HS3ST6: variants seen among roughly 807,000 people sequenced by gnomAD.
The protein encoded by HS3ST6 is heparan sulfate glucosamine 3-O-sulfotransferase 6.
HS3ST6 carries 13 observed loss-of-function variants against 11.0 expected under a neutral mutation model. The ratio of observed to expected loss-of-function variants is 1.18; its 90% CI spans 0.77 to 1.88. The LOEUF is 1.88. HS3ST6 is among the 40% of genes most tolerant of loss of function. The pLI is 0.00. For synonymous variants in HS3ST6, 232 were observed against 230.6 expected (o/e 1.01, Z -0.06); for missense variants, 541 against 494.4 (o/e 1.09, Z -0.89).
chr16:1,914,901 G>A (rs1215258473), intron 1 of HS3ST6, among the ~76,000 whole-genome samples: 1 of 152,148 alleles, frequency 6.6e-6, no homozygotes, highest in Non-Finnish European at 1.5e-5. Context: ...AGGGAGAGGA[G>A]CAGGACTGGA....
chr16:1,912,119 A>G lies in HS3ST6; in HGVS notation c.500T>C (p.Ile167Thr). 6.7e-7 allele frequency: 1 copy of G among 1,503,102 alleles called. No homozygotes were observed. Among genetic ancestry groups the G allele is most frequent in the Non-Finnish European group, 8.9e-7 (1 of 1,127,824 alleles). 93.1% of individuals were successfully genotyped at this position (1,503,102 alleles called of 1,614,324 possible). A position where few individuals can be genotyped will look rare whatever the true frequency, so the allele number is the denominator to read the frequency against. Reference protein sequence around the residue: ...YFVTREAPRRIHAMSPDTKLI... With the variant: ...YFVTREAPRRTHAMSPDTKLI... ...CTTCGTGTCCGGGGACATGGCGTGGATGCGGCGGGGGGCCTCTCGCGTCAC... is the reference window on the plus strand; with the variant it reads ...CTTCGTGTCCGGGGACATGGCGTGGGTGCGGCGGGGGGCCTCTCGCGTCAC... The change falls in exon 2 of 2, where the codon ATC (isoleucine) becomes ACC (threonine). Residue 167 changes from isoleucine (I) to threonine (T), a missense_variant. By Grantham distance (89) the Ile-to-Thr change is moderately conservative. Transcript: ENST00000454677. This position sits in a 1 kb window ranked among gnomAD's most constrained non-coding sequence, Gnocchi z 5.6.
At position 1,918,191 on chromosome 16, in the gene HS3ST6, AGAGGCAGTAGGCGCC is replaced by A; in HGVS notation, c.118_132del (p.Gly40_Leu44del). On this transcript the variant is annotated inframe_deletion, in exon 1 of 2. Transcript: ENST00000454677. This position sits in a 1 kb window ranked among gnomAD's most constrained non-coding sequence, Gnocchi z 6.0. ...GGCGGGCAGCGGCCGGGGAGGGCGC[AGAGGCAGTAGGCGCC>A]GAGCACCAGGGCCACGAGCAGCATC... 1.9e-6 allele frequency: 2 copies of A among 1,078,148 alleles called. No individual in the cohort carries two copies. The highest frequency in any genetic ancestry group is 2.2e-6 in the Non-Finnish European group (2 of 893,024). 66.8% of individuals were successfully genotyped at this position (1,078,148 alleles called of 1,614,324 possible). A position where few individuals can be genotyped will look rare whatever the true frequency, so the allele number is the denominator to read the frequency against.
intron 1 of HS3ST6, among the ~76,000 whole-genome samples, chr16:1,915,004 T>C (rs931678088): frequency 1.8e-4 from 28 of 152,134 alleles, no homozygotes; most frequent in African/African-American, 6.8e-4. Context: ...CCTGCGGCTT[T>C]CATCCAGCCC....
chr16:1,920,195 TCCCCACGGTCTCAGGAGC>T (rs2082954649), upstream of HS3ST6, among the ~76,000 whole-genome samples: 13 of 115,084 alleles, frequency 1.1e-4, no homozygotes, highest in Non-Finnish European at 1.1e-4. Flanking sequence ...GTCTCAGCAG[TCCCCACGGTCTCAGGAGC>T]CCCCACGGTC....
intron 1 of HS3ST6, among the ~76,000 whole-genome samples, chr16:1,914,000 C>T (rs527330537): frequency 1.9e-4 from 29 of 152,290 alleles, no homozygotes; most frequent in Admixed American, 1.6e-3. Flanking sequence ...GGCCTACAGA[C>T]GATACCGGAC....
At position 1,917,997 on chromosome 16, in the gene HS3ST6, A is replaced by C; in HGVS notation, c.327T>G (p.Phe109Leu). The C allele has an allele frequency of 1.3e-6, 2 of 1,551,720 alleles. No individual in the cohort carries two copies. Among genetic ancestry groups the C allele is most frequent in the South Asian group, 2.4e-5 (2 of 84,034 alleles). Residue 109 changes from phenylalanine to leucine, a missense_variant, in exon 1 of 2, where the codon TTT becomes TTG. Physicochemically the swap from Phe to Leu is conservative, Grantham distance 22. Coordinates refer to ENST00000454677, the MANE Select transcript of HS3ST6 (RefSeq NM_001009606.4). ...KKGGTRALLE[F>L]LRLHPDVRAL... ...CGCGGACGTCGGGGTGCAGCCGCAG[A>C]AACTCCAGCAGGGCGCGCGTGCCGC... is the stretch of plus-strand genomic sequence containing the variant.
In HS3ST6 at chr16:1,912,445, C is replaced by CGCCT. The variant is rs1476007739; in HGVS notation, c.414-244_414-241dup. Among the ~76,000 whole-genome samples, 1 of 152,162 alleles carries CGCCT rather than the reference C, an allele frequency of 6.6e-6. No individual in the cohort carries two copies. The highest frequency in any genetic ancestry group is 1.5e-5 in the Non-Finnish European group (1 of 68,016). On this transcript the variant is annotated intron_variant, in intron 1 of 1. Coordinates refer to ENST00000454677, the MANE Select transcript of HS3ST6 (RefSeq NM_001009606.4). The surrounding 1 kb of genome is among the most constrained non-coding windows in gnomAD (Gnocchi z 5.6). ...CCCGGCCTGTTCCGCCGGCCTGCCCCGCCTGCTGCTGCACTGAGGATTAGG... is the reference window on the plus strand; with the variant it reads ...CCCGGCCTGTTCCGCCGGCCTGCCCCGCCTGCCTGCTGCTGCACTGAGGATTAGG...
rs1657139 is a variant in HS3ST6, at chr16:1,911,550, C to T, written c.*40G>A. ...ACGCAGCCCGCTCTGGCCAGGCGAG[C>T]GGGTGTCAATCAAGGTGCTGAGCAT... On this transcript the variant is annotated 3_prime_UTR_variant, in exon 2 of 2. Coordinates refer to ENST00000454677, the MANE Select transcript of HS3ST6 (RefSeq NM_001009606.4). The T allele has an allele frequency of 0.16, 238,685 of 1,529,632 alleles. 20,070 individuals carry two copies. Among genetic ancestry groups the T allele is most frequent in the South Asian group, 0.21 (16,775 of 81,158 alleles). 94.8% of individuals were successfully genotyped at this position (1,529,632 alleles called of 1,614,324 possible). A position where few individuals can be genotyped will look rare whatever the true frequency, so the allele number is the denominator to read the frequency against.
At chr16:1,913,506 G>C (rs1567298194) in intron 1 of HS3ST6, among the ~76,000 whole-genome samples, 1 of 152,214 alleles carries the variant, frequency 6.6e-6, no homozygotes, top group Non-Finnish European at 1.5e-5. Context: ...AGGTTGGGCA[G>C]GGCAGGGCGT....
rs1049617865 is a variant in HS3ST6 at position 1,912,405 on chromosome 16, G to A, written c.414-200C>T. ...CATGGACTGTGAGGGTGCCCAGCCCGGCACCTGCCTGCAGCCCGGCCTGTT... is the reference window on the plus strand; with the variant it reads ...CATGGACTGTGAGGGTGCCCAGCCCAGCACCTGCCTGCAGCCCGGCCTGTT... On this transcript the variant is annotated intron_variant, in intron 1 of 1. Coordinates refer to ENST00000454677, the MANE Select transcript of HS3ST6 (RefSeq NM_001009606.4). The surrounding 1 kb of genome is among the most constrained non-coding windows in gnomAD (Gnocchi z 5.6). 7.2e-5 allele frequency among the ~76,000 whole-genome samples: 11 copies of A among 151,966 alleles called. No homozygotes were observed. The highest frequency in any genetic ancestry group is 1.3e-4 in the Admixed American group (2 of 15,266).
At position 1,912,984 on chromosome 16, in the gene HS3ST6, G is replaced by A. The variant is rs1210817992; in HGVS notation, c.414-779C>T. ...TTTTTGTATTTTTAGTAGAGACGGG[G>A]TTTCGCCATGTTGGCCAGGCTGGTC... On this transcript the variant is annotated intron_variant, in intron 1 of 1. Transcript: ENST00000454677. This position sits in a 1 kb window ranked among gnomAD's most constrained non-coding sequence, Gnocchi z 5.6. Among the ~76,000 whole-genome samples, 1 of 152,102 alleles carries A rather than the reference G, an allele frequency of 6.6e-6. No homozygotes were observed. Among genetic ancestry groups the A allele is most frequent in the Non-Finnish European group, 1.5e-5 (1 of 68,022 alleles).
rs1486798069 is a variant in HS3ST6 at position 1,912,027 on chromosome 16, T to G, written c.592A>C (p.Thr198Pro). ...GCGCGGAAGCTGGGCAGGCCCGGGG[T>G]CTTGGAGAGCGTCTGGGCGTAGTCG... is the stretch of plus-strand genomic sequence containing the variant. ...ISDYAQTLSKTPGLPSFRALA... is the reference protein window; with the variant it reads ...ISDYAQTLSKPPGLPSFRALA... Residue 198 changes from threonine to proline, a missense_variant, in exon 2 of 2, where the codon ACC becomes CCC. By Grantham distance (38) the Thr-to-Pro change is conservative (BLOSUM62 -1). Transcript: ENST00000454677. The surrounding 1 kb of genome is among the most constrained non-coding windows in gnomAD (Gnocchi z 5.6). 2 of 1,523,312 alleles carry G rather than the reference T, an allele frequency of 1.3e-6. No homozygotes were observed. Among genetic ancestry groups the G allele is most frequent in the Admixed American group, 2.2e-5 (1 of 45,700 alleles). 94.4% of individuals were successfully genotyped at this position (1,523,312 alleles called of 1,614,324 possible).
At position 1,918,232 on chromosome 16, in the gene HS3ST6, G is replaced by C; in HGVS notation, c.92C>G (p.Pro31Arg). Residue 31 changes from proline to arginine, a missense_variant, in exon 1 of 2, where the codon CCG becomes CGG. Coordinates refer to ENST00000454677, the MANE Select transcript of HS3ST6 (RefSeq NM_001009606.4). The surrounding 1 kb of genome is among the most constrained non-coding windows in gnomAD (Gnocchi z 6.0). ...GAGCACCAGGGCCACGAGCAGCATCGGCGCGCGGGACGCCCGCAGAGCGGC... is the reference window on the plus strand; with the variant it reads ...GAGCACCAGGGCCACGAGCAGCATCCGCGCGCGGGACGCCCGCAGAGCGGC... ...QGAALRASRA[P>R]MLLVALVLGA... 15 of 1,033,712 alleles carry C rather than the reference G, an allele frequency of 1.5e-5. No individual in the cohort carries two copies. The South Asian group carries it at 1.8e-4, about 12-fold the overall frequency. The allele number at this position is 1,033,712 out of a possible 1,614,324, so 64.0% of individuals were successfully genotyped here. A position where few individuals can be genotyped will look rare whatever the true frequency, so the allele number is the denominator to read the frequency against.
At chr16:1,916,763 T>TCCCCCCCCCCCCCCCCCCCCCCCCCC (rs2082929333) in intron 1 of HS3ST6, among the ~76,000 whole-genome samples, 1 of 105,634 alleles carries the variant, frequency 9.5e-6, no homozygotes, top group African/African-American at 3.7e-5. Flanking sequence ...TCCTCCCCCG[T>TCCCCCCCCCCCCCCCCCCCCCCCCCC]CTCGCCACTC....
chr16:1,917,377 TCTC>T (rs1323557156), intron 1 of HS3ST6, among the ~76,000 whole-genome samples: 4 of 152,018 alleles, frequency 2.6e-5, no homozygotes, highest in Non-Finnish European at 4.4e-5. Context: ...CTAAAGGCAG[TCTC>T]CTCCTTTCCA....
chr16:1,914,680 C>G (rs1050659556), intron 1 of HS3ST6, among the ~76,000 whole-genome samples: 3 of 152,182 alleles, frequency 2.0e-5, no homozygotes, highest in Non-Finnish European at 4.4e-5. Context: ...TCCAAAGAGT[C>G]AGAGGGAGCT....
At chr16:1,920,631 G>A (rs1023701025), upstream of HS3ST6, among the ~76,000 whole-genome samples, 2 of 152,174 alleles carry the variant, frequency 1.3e-5, no homozygotes, top group African/African-American at 4.8e-5. Context: ...AGGGCAGAAG[G>A]ACTTTCCAGG....
At chr16:1,920,264 C>A (rs369837962), upstream of HS3ST6, among the ~76,000 whole-genome samples, 1 of 86,610 alleles carries the variant, frequency 1.2e-5, no homozygotes, top group Admixed American at 1.1e-4. Flanking sequence ...ACGGTCTCAG[C>A]AGTCCCCACG....
chr16:1,911,913 G>A lies in HS3ST6; in HGVS notation c.706C>T (p.Leu236=). 1 of 1,602,108 alleles carries A rather than the reference G, an allele frequency of 6.2e-7. No homozygotes were observed. Among genetic ancestry groups the A allele is most frequent in the Non-Finnish European group, 8.5e-7 (1 of 1,173,012 alleles). ...AAGTGGGACAGGGGGAAGTAGCGCA[G>A]CCAGTGGTCCAGGTGCTGGGCGTAC... ...GLYAQHLDHW[L]RYFPLSHFLF... is the part of the protein sequence containing the mutation. The change falls in exon 2 of 2, where the codon CTG becomes TTG. Residue 236 remains leucine, a synonymous_variant. Coordinates refer to ENST00000454677, the MANE Select transcript of HS3ST6 (RefSeq NM_001009606.4).
Sources: gnomAD v4.1 joint callset for allele counts (sites outside exome capture counted in the v4.1 genomes callset) on GRCh38, gnomAD v4.1.1 for gene constraint, Gnocchi (gnomAD v3.1) non-coding constraint, MANE v1.5 for transcripts, NCBI Gene and HGNC (gene_info 2026-07-23, HGNC 2026-07-21) for gene names.